PIWIL1: variants seen among roughly 807,000 people sequenced by gnomAD.
PIWIL1 encodes piwi like RNA-mediated gene silencing 1.
Under a neutral mutation model 114.4 loss-of-function variants are expected in PIWIL1, and 73 were observed. The observed-to-expected ratio is 0.64, with a 90% CI of 0.53 to 0.78. The LOEUF is 0.78. Among genes scored for constraint, PIWIL1 ranks in the 30% least tolerant of loss-of-function variants. The pLI is 0.00. For synonymous variants in PIWIL1, 375 were observed against 369.0 expected (o/e 1.02, Z -0.19); for missense variants, 723 against 1,063.1 (o/e 0.68, Z 4.45).
intron 14 of PIWIL1, among the ~76,000 whole-genome samples, chr12:130,360,783 G>A (rs778773477): frequency 2.6e-5 from 4 of 152,200 alleles, no homozygotes; most frequent in South Asian, 2.1e-4. Context: ...TCTCAATCCA[G>A]AGCTTTAAAG....
chr12:130,347,697 G>C (rs1365930133), intron 6 of PIWIL1, among the ~76,000 whole-genome samples: 2 of 152,142 alleles, frequency 1.3e-5, no homozygotes, highest in Non-Finnish European at 2.9e-5. Context: ...CCCTAAACGA[G>C]GGGTTGGCAA....
At chr12:130,378,610 C>T in the PIWIL1 span, among the ~76,000 whole-genome samples, 2 of 152,132 alleles carry the variant, frequency 1.3e-5, no homozygotes, top group African/African-American at 2.4e-5. Context: ...TTTCATTGCT[C>T]CACATCCTCA....
chr12:130,342,770 A>G, intron 2 of PIWIL1, 101 bp downstream of exon 2: 1 of 930,212 alleles, frequency 1.1e-6, no homozygotes. Flanking sequence ...AGGATATAGG[A>G]AGTGAGCAAG....
intron 3 of PIWIL1, among the ~76,000 whole-genome samples, chr12:130,343,659 T>G (rs2072991418): frequency 7.1e-6 from 1 of 140,934 alleles, no homozygotes; most frequent in African/African-American, 2.7e-5. Context: ...GGAGTCTCAC[T>G]CTGTCTCCCA....
At chr12:130,374,855 C>T (rs2073854209), downstream of PIWIL1, among the ~76,000 whole-genome samples, 1 of 152,182 alleles carries the variant, frequency 6.6e-6, no homozygotes. Context: ...TCCTCTGGAG[C>T]TCATTCTCAA....
chr12:130,376,059 A>G (rs1200290789), downstream of PIWIL1, among the ~76,000 whole-genome samples: 1 of 147,250 alleles, frequency 6.8e-6, no homozygotes, highest in Non-Finnish European at 1.5e-5. Context: ...GATTTCACCC[A>G]TGACTCATTT....
At chr12:130,413,004 G>T in the PIWIL1 span, among the ~76,000 whole-genome samples, 449 of 152,234 alleles carry the variant, frequency 2.9e-3, 3 homozygotes, top group African/African-American at 0.01. Context: ...TTTTCATCTA[G>T]TGTTTGGACA....
chr12:130,350,916 G>T (rs1320052419), intron 9 of PIWIL1: 2 of 152,180 alleles, frequency 1.3e-5, no homozygotes, highest in Non-Finnish European at 2.9e-5. Context: ...AAAAAGATGA[G>T]AAGCCACTAC....
intron 19 of PIWIL1, among the ~76,000 whole-genome samples, chr12:130,368,292 G>A (rs1192521710): frequency 1.3e-5 from 2 of 152,152 alleles, no homozygotes; most frequent in African/African-American, 4.8e-5. Context: ...GCGACTTTAA[G>A]AGGATAAAGT....
Position 130,356,974 on chromosome 12 carries a change from A to G in PIWIL1, c.1461A>G (p.Leu487=), listed in dbSNP as rs761417510. 1.2e-6 allele frequency: 2 copies of G among 1,613,664 alleles called. No homozygotes were observed. The highest frequency in any genetic ancestry group is 3.3e-5 in the Admixed American group (2 of 60,012). Residue 487 remains leucine, a synonymous_variant, in exon 13 of 21, where the codon TTA becomes TTG. Transcript: ENST00000245255. ...CCAAAGAAACAAGAGGTGCACCATT[A>G]ATTAGTGTTAAGCCACTAGATAACT... is the stretch of plus-strand genomic sequence containing the variant. ...DWSKETRGAP[L]ISVKPLDNWL...
chr12:130,342,649 C>A lies in PIWIL1; in HGVS notation c.58C>A (p.Gln20Lys). ...AAGGGCCCGCGGTCAGGAGACAGCGCAGCTGGTGGGCTCCACTGCCGTGAG... is the reference window on the plus strand; with the variant it reads ...AAGGGCCCGCGGTCAGGAGACAGCGAAGCTGGTGGGCTCCACTGCCGTGAG... The part of the protein sequence containing the change: ...RGRARGQETA[Q>K]LVGSTASQQP... The change falls in exon 2 of 21, where the codon CAG (glutamine) becomes AAG (lysine). Residue 20 changes from glutamine to lysine, a missense_variant. Around this residue, in one of 8 missense-constraint regions of PIWIL1, gnomAD observed 91 missense variants for 76.2 expected, o/e 1.19. Transcript: ENST00000245255. The A allele has an allele frequency of 6.2e-7, 1 of 1,613,416 alleles. No individual in the cohort carries two copies. Among genetic ancestry groups the A allele is most frequent in the Non-Finnish European group, 8.5e-7 (1 of 1,179,444 alleles).
chr12:130,390,169 C>A, the PIWIL1 span, among the ~76,000 whole-genome samples: 1 of 152,180 alleles, frequency 6.6e-6, no homozygotes, highest in Non-Finnish European at 1.5e-5. Flanking sequence ...TACTCAGCTT[C>A]GTACTCTTAG....
At chr12:130,425,198 G>T in the PIWIL1 span, 2 of 214,790 alleles carry the variant, frequency 9.3e-6, no homozygotes, top group Non-Finnish European at 1.8e-5. Flanking sequence ...GCTGTAGATG[G>T]TGGGTGTGGC....
At position 130,357,048 on chromosome 12, in the gene PIWIL1, T is replaced by C. The variant is rs567763434; in HGVS notation, c.1535T>C (p.Ile512Thr). Residue 512 changes from isoleucine (I) to threonine (T), a missense_variant, in exon 13 of 21, where the codon ATA (isoleucine) becomes ACA (threonine). Around this residue, in one of 8 missense-constraint regions of PIWIL1, gnomAD observed 298 missense variants for 420.8 expected, o/e 0.71. Transcript: ENST00000245255. ...RRNYEAANSL[I>T]QNLFKVTPAM... ...AATTATGAAGCAGCCAATTCATTGA[T>C]ACAAAATCTATTTAAAGTTACACCA... 26 of 1,613,818 alleles carry C rather than the reference T, an allele frequency of 1.6e-5. No individual in the cohort carries two copies. In the South Asian group the frequency reaches 2.2e-4, roughly 14 times the overall value.
the PIWIL1 span, chr12:130,424,178 G>C: frequency 1.3e-5 from 16 of 1,232,090 alleles, no homozygotes; most frequent in Non-Finnish European, 1.6e-5. The surrounding 1 kb of genome is among the most constrained non-coding windows in gnomAD (Gnocchi z 9.8). Flanking sequence ...GTGGCTTTGC[G>C]TGGGGGGCAG....
the PIWIL1 span, chr12:130,399,115 G>A: frequency 1.0e-5 from 14 of 1,384,260 alleles, no homozygotes; most frequent in African/African-American, 6.0e-5. Context: ...GCTCACTTAC[G>A]TGAAGGCTAC....
the PIWIL1 span, among the ~76,000 whole-genome samples, chr12:130,411,866 A>C: frequency 6.6e-6 from 1 of 152,208 alleles, no homozygotes; most frequent in African/African-American, 2.4e-5. Context: ...CCTTAAAATT[A>C]TGTATATTCT....
At chr12:130,420,521 A>C in the PIWIL1 span, among the ~76,000 whole-genome samples, 3 of 152,154 alleles carry the variant, frequency 2.0e-5, no homozygotes, top group Non-Finnish European at 2.9e-5. The surrounding 1 kb of genome is among the most constrained non-coding windows in gnomAD (Gnocchi z 4.3). Flanking sequence ...CATTCATCAA[A>C]AGTAGTTTCA....
At chr12:130,378,100 C>G in the PIWIL1 span, among the ~76,000 whole-genome samples, 2 of 152,134 alleles carry the variant, frequency 1.3e-5, no homozygotes, top group Non-Finnish European at 2.9e-5. Flanking sequence ...GATCTACTGC[C>G]ACCATCAAGT....
Sources: gnomAD v4.1 joint callset for allele counts (sites outside exome capture counted in the v4.1 genomes callset) on GRCh38, gnomAD v4.1.1 for gene constraint, gnomAD v4.1.1 regional missense constraint, Gnocchi (gnomAD v3.1) non-coding constraint, MANE v1.5 for transcripts, NCBI Gene and HGNC (gene_info 2026-07-23, HGNC 2026-07-21) for gene names.